The following ARHGAP31 variants were observed in gnomAD, a reference collection of about 807,000 sequenced individuals.
ARHGAP31 encodes rho GTPase-activating protein 31.
A neutral mutation model predicts 113.9 loss-of-function variants in ARHGAP31; 34 were observed. That is an observed-to-expected ratio of 0.30 (90% CI 0.23 to 0.40). The LOEUF (loss-of-function observed/expected upper bound fraction) is 0.40, where lower values mean the gene tolerates loss of function less well. Ranked by LOEUF, ARHGAP31 falls within the 10% of genes least tolerant of loss-of-function variation. ARHGAP31 has a pLI of 1.00. For synonymous variants in ARHGAP31, 650 were observed against 684.8 expected, an observed-to-expected ratio of 0.95 and a Z score of 0.79; for missense variants, 1,548 against 1,767.1, an observed-to-expected ratio of 0.88 and a Z score of 2.22.
chr3:119,382,244 A>G (rs745379022), intron 4 of ARHGAP31, 48 bp from the exon 5 acceptor site: 7 of 1,529,170 alleles, frequency 4.6e-6, no homozygotes, highest in Non-Finnish European at 6.3e-6. Flanking sequence ...GTCAGGCTTC[A>G]CACGGGCACT....
At chr3:119,371,938 C>T (rs919448645) in intron 3 of ARHGAP31, among the ~76,000 whole-genome samples, 3 of 152,162 alleles carry the variant, frequency 2.0e-5, no homozygotes, top group Admixed American at 2.0e-4. Flanking sequence ...AGGACATGAT[C>T]TTATTCTTTT....
chr3:119,384,733 G>C (rs10049044), intron 6 of ARHGAP31, among the ~76,000 whole-genome samples: 1 of 151,964 alleles, frequency 6.6e-6, no homozygotes, highest in Admixed American at 6.6e-5. Flanking sequence ...TGTTGCATTG[G>C]GGATCAAGTT....
chr3:119,309,911 T>G (rs1170106431), intron 1 of ARHGAP31, among the ~76,000 whole-genome samples: 1 of 150,888 alleles, frequency 6.6e-6, no homozygotes, highest in Non-Finnish European at 1.5e-5. Context: ...CTGTTGTAAA[T>G]GCTCACATGC....
At chr3:119,362,239 A>G (rs553884411) in intron 1 of ARHGAP31, among the ~76,000 whole-genome samples, 2 of 152,306 alleles carry the variant, frequency 1.3e-5, no homozygotes, top group East Asian at 1.9e-4. Context: ...TCTTAAGTCC[A>G]CTTGTGCCCT....
intron 1 of ARHGAP31, among the ~76,000 whole-genome samples, chr3:119,310,807 G>A (rs539697999): frequency 6.6e-5 from 10 of 152,290 alleles, no homozygotes; most frequent in South Asian, 6.2e-4. Flanking sequence ...ATGCTCACAC[G>A]CCTGGGAAGA....
intron 1 of ARHGAP31, among the ~76,000 whole-genome samples, chr3:119,344,045 C>CA (rs1553762073): frequency 1.6e-5 from 2 of 125,180 alleles, no homozygotes; most frequent in African/African-American, 8.4e-5. Context: ...TGCTGCTGGC[C>CA]GGGGGCGCAA....
At chr3:119,385,672 T>C (rs1460492257) in intron 6 of ARHGAP31, among the ~76,000 whole-genome samples, 2 of 152,228 alleles carry the variant, frequency 1.3e-5, no homozygotes, top group Non-Finnish European at 2.9e-5. Context: ...TTCATTGATT[T>C]ATTACAGCAA....
At chr3:119,357,721 T>G (rs2080170546) in intron 1 of ARHGAP31, among the ~76,000 whole-genome samples, 1 of 152,224 alleles carries the variant, frequency 6.6e-6, no homozygotes, top group Non-Finnish European at 1.5e-5. Context: ...GAGGTTATAC[T>G]TGAGTTAAAT....
intron 2 of ARHGAP31, among the ~76,000 whole-genome samples, chr3:119,366,253 T>G (rs890516301): frequency 2.4e-4 from 37 of 151,580 alleles, no homozygotes; most frequent in African/African-American, 9.0e-4. Context: ...TATATGTTCT[T>G]TAGTTATAAA....
intron 5 of ARHGAP31, among the ~76,000 whole-genome samples, chr3:119,382,758 C>A (rs369345374): frequency 2.0e-5 from 3 of 152,120 alleles, no homozygotes; most frequent in African/African-American, 7.2e-5. Context: ...CATATGATTT[C>A]ATAAATAATG....
intron 10 of ARHGAP31, among the ~76,000 whole-genome samples, chr3:119,409,247 A>G (rs553999481): frequency 1.3e-5 from 2 of 152,334 alleles, no homozygotes; most frequent in East Asian, 3.9e-4. Context: ...TAGGAGCAAG[A>G]TGGTCCCTGG....
Position 119,402,236 on chromosome 3 carries a change from C to T in ARHGAP31, c.1484C>T (p.Pro495Leu), listed in dbSNP as rs2080617537. Residue 495 changes from proline (P) to leucine (L), a missense_variant, in exon 10 of 12, where the codon CCG (proline) becomes CTG (leucine). Transcript: ENST00000264245. ...TCCGAGCCCTTTGCGGTATCTGTGC[C>T]GCTCCGCGTGTCCGCAGTCATCAGC... ...NISEPFAVSV[P>L]LRVSAVISTN... 1.9e-6 allele frequency: 3 copies of T among 1,614,260 alleles called. No homozygotes were observed. Among genetic ancestry groups the T allele is most frequent in the South Asian group, 1.1e-5 (1 of 91,088 alleles).
rs1194565369 is a variant in ARHGAP31, at chr3:119,414,228, G to A, written c.2299G>A (p.Ala767Thr). The A allele has an allele frequency of 6.2e-7, 1 of 1,614,186 alleles. No homozygotes were observed. The highest frequency in any genetic ancestry group is 8.5e-7 in the Non-Finnish European group (1 of 1,180,026). ...TCCTTTTGAGAAGGCATCTCCACAA[G>A]CAACAGTGGAAGTAGGAGGCCCAGG... ...IVPFEKASPQ[A>T]TVEVGGPGNL... The change falls in exon 12 of 12, where the codon GCA becomes ACA. Residue 767 changes from alanine to threonine, a missense_variant. Transcript: ENST00000264245.
intron 10 of ARHGAP31, among the ~76,000 whole-genome samples, chr3:119,405,716 C>T (rs578078961): frequency 3.3e-5 from 5 of 152,288 alleles, no homozygotes; most frequent in South Asian, 2.1e-4. Flanking sequence ...TATGGTCACC[C>T]GCTTTGTGTA....
rs2080418583 is a variant in ARHGAP31, at chr3:119,383,225, T to C, written c.681T>C (p.Asp227=). The C allele has an allele frequency of 6.2e-7, 1 of 1,614,004 alleles. No homozygotes were observed. Among genetic ancestry groups the C allele is most frequent in the South Asian group, 1.1e-5 (1 of 91,086 alleles). ...NNGAPGSLEN[D]ENRPIMKSLT... ...GTGCACCTGGGTCTCTGGAGAATGATGGTAAGGACTCCTCCTAGCATACAC... is the reference window on the plus strand; with the variant it reads ...GTGCACCTGGGTCTCTGGAGAATGACGGTAAGGACTCCTCCTAGCATACAC... Residue 227 remains aspartate (D), a splice_region_variant and synonymous_variant, in exon 6 of 12, where the codon GAT becomes GAC. Transcript: ENST00000264245.
chr3:119,378,959 A>G (rs2080372415), intron 3 of ARHGAP31, among the ~76,000 whole-genome samples: 1 of 152,236 alleles, frequency 6.6e-6, no homozygotes, highest in Non-Finnish European at 1.5e-5. Flanking sequence ...ACCTATGACT[A>G]TAATCCTCCC....
chr3:119,356,794 A>G (rs950602671), intron 1 of ARHGAP31, among the ~76,000 whole-genome samples: 6 of 152,150 alleles, frequency 3.9e-5, no homozygotes, highest in Non-Finnish European at 8.8e-5. Context: ...TCCATTATTT[A>G]TGTTAGCAAC....
At chr3:119,361,896 C>T (rs992343378) in intron 1 of ARHGAP31, among the ~76,000 whole-genome samples, 6 of 152,226 alleles carry the variant, frequency 3.9e-5, no homozygotes, top group African/African-American at 1.4e-4. Flanking sequence ...GCTAACACTT[C>T]ACAGTGATTG....
chr3:119,368,859 C>T (rs185173020), intron 3 of ARHGAP31, among the ~76,000 whole-genome samples: 11 of 152,254 alleles, frequency 7.2e-5, no homozygotes, highest in Non-Finnish European at 8.8e-5. Context: ...GGACAGGAAC[C>T]TGAGACTCCT....
Sources: allele counts gnomAD v4.1 joint callset (sites outside exome capture counted in the v4.1 genomes callset), GRCh38; gene constraint gnomAD v4.1.1; transcripts MANE v1.5; gene names NCBI Gene and HGNC (gene_info 2026-07-23, HGNC 2026-07-21).